The following DNAH7 variants were observed in gnomAD, a reference collection of about 807,000 sequenced individuals.
DNAH7 encodes dynein axonemal heavy chain 7.
A neutral mutation model predicts 444.6 loss-of-function variants in DNAH7; 397 were observed. The observed-to-expected ratio is 0.89, with a 90% CI of 0.82 to 0.97. DNAH7 has a LOEUF of 0.97. Among genes scored for constraint, DNAH7 ranks in the 50% least tolerant of loss-of-function variants. DNAH7 has a pLI of 0.00. For synonymous variants in DNAH7, 1,636 were observed against 1,624.4 expected (o/e 1.01, Z -0.17); for missense variants, 4,902 against 4,800.8 (o/e 1.02, Z -0.62).
chr2:195,999,385 G>T, intron 12 of DNAH7: 1 of 608,538 alleles, frequency 1.6e-6, no homozygotes, highest in South Asian at 2.0e-5. Flanking sequence ...ATGGTCCTTG[G>T]TCTGCAAGGG....
rs533505891 is a variant in DNAH7 at position 195,825,622 on chromosome 2, A to G, written c.9101-1177T>C. ...GAATATTTTCCTCTGATAGCATTCT[A>G]GAACAGGAATCCCTGGATCAAAGAT... On this transcript the variant is annotated intron_variant, in intron 48 of 64. Coordinates refer to ENST00000312428, the MANE Select transcript of DNAH7 (RefSeq NM_018897.3). Among the ~76,000 whole-genome samples, 12 of 152,372 alleles carry G rather than the reference A, an allele frequency of 7.9e-5. No individual in the cohort carries two copies. In the East Asian group the frequency reaches 2.1e-3, roughly 27 times the overall value.
rs781729323 is a variant in DNAH7 at position 195,926,503 on chromosome 2, G to A, written c.3535C>T (p.Pro1179Ser). Residue 1179 changes from proline (P) to serine (S), a missense_variant, in exon 22 of 65, where the codon CCT (proline) becomes TCT (serine). By Grantham distance (74) the Pro-to-Ser change is moderately conservative. Transcript: ENST00000312428. ...YERINWVRDW[P>S]GQTVLCVSQI... ...GATACACAGAGAACAGTCTGTCCAG[G>A]CCAATCCCTTACCCAGTTAATTCGT... is the stretch of plus-strand genomic sequence containing the variant. The A allele has an allele frequency of 1.2e-6, 2 of 1,607,066 alleles. No homozygotes were observed. Among genetic ancestry groups the A allele is most frequent in the East Asian group, 2.3e-5 (1 of 44,232 alleles).
chr2:195,878,886 T>C (rs1428754827), intron 36 of DNAH7, among the ~76,000 whole-genome samples: 3 of 152,226 alleles, frequency 2.0e-5, no homozygotes, highest in Non-Finnish European at 2.9e-5. Context: ...TATTTCACTC[T>C]TCCTCATTAA....
chr2:195,976,747 C>CAGAGAGAGAGAGAGAGAGAG (rs60653466), intron 15 of DNAH7, among the ~76,000 whole-genome samples: 3,303 of 90,326 alleles, frequency 0.037, 347 homozygotes, highest in Non-Finnish European at 0.05. Flanking sequence ...GAGAGGCAGA[C>CAGAGAGAGAGAGAGAGAGAG]AGAGAGAGAG....
At chr2:196,059,220 T>C (rs996803273) in intron 1 of DNAH7, among the ~76,000 whole-genome samples, 2 of 152,118 alleles carry the variant, frequency 1.3e-5, no homozygotes, top group South Asian at 2.1e-4. Flanking sequence ...TTCTGGTTTT[T>C]CCCCCCGCAA....
chr2:196,018,258 T>G (rs1695147913), intron 9 of DNAH7, among the ~76,000 whole-genome samples: 1 of 152,142 alleles, frequency 6.6e-6, no homozygotes, highest in African/African-American at 2.4e-5. Flanking sequence ...TTACATTGAT[T>G]GACAAATAGT....
intron 38 of DNAH7, among the ~76,000 whole-genome samples, 200 bp from the exon 39 acceptor site, chr2:195,873,894 T>C (rs1700867972): frequency 6.6e-6 from 1 of 152,224 alleles, no homozygotes; most frequent in African/African-American, 2.4e-5. Context: ...CTAGGTGAAT[T>C]ATCTGAATGA....
intron 61 of DNAH7, among the ~76,000 whole-genome samples, chr2:195,766,479 A>G (rs554283995): frequency 2.8e-4 from 43 of 152,138 alleles, no homozygotes; most frequent in African/African-American, 1.0e-3. Context: ...ATGGAAGCTA[A>G]ATATTAAAAC....
intron 57 of DNAH7, among the ~76,000 whole-genome samples, chr2:195,789,584 G>A (rs1385403582): frequency 6.6e-6 from 1 of 152,066 alleles, no homozygotes; most frequent in Admixed American, 6.5e-5. Flanking sequence ...CCTGGCAAAG[G>A]AGAAAGCAGT....
intron 60 of DNAH7, 71 bp from the exon 61 acceptor site, chr2:195,771,961 T>A: frequency 7.8e-7 from 1 of 1,289,000 alleles, no homozygotes; most frequent in South Asian, 1.2e-5. Flanking sequence ...GGAAAAATCC[T>A]AAGGTAAATC....
At chr2:195,997,142 C>T (rs1693743316) in intron 12 of DNAH7, among the ~76,000 whole-genome samples, 1 of 152,116 alleles carries the variant, frequency 6.6e-6, no homozygotes, top group African/African-American at 2.4e-5. Context: ...TATTAATAGC[C>T]TATCTAATTT....
intron 47 of DNAH7, among the ~76,000 whole-genome samples, chr2:195,839,570 C>T (rs922977691): frequency 1.3e-5 from 2 of 151,546 alleles, no homozygotes; most frequent in East Asian, 1.9e-4. Flanking sequence ...AACAATGCAA[C>T]CAAAGGCTTG....
chr2:196,019,106 T>G (rs1695208403), intron 9 of DNAH7, 64 bp downstream of exon 9: 1 of 1,340,436 alleles, frequency 7.5e-7, no homozygotes. Flanking sequence ...AAGAAATAAT[T>G]AAGATATAGT....
chr2:195,987,048 C>A lies in DNAH7; in HGVS notation c.1754+18G>T, dbSNP rs1299675763. 1.5e-5 allele frequency: 24 copies of A among 1,557,920 alleles called. No individual in the cohort carries two copies. Among genetic ancestry groups the A allele is most frequent in the South Asian group, 2.5e-5 (2 of 80,450 alleles). ...CATCCCCTCCCAAAAAATAAAAAAACCAGTATCACATAAATACCTTGTATT... is the reference window on the plus strand; with the variant it reads ...CATCCCCTCCCAAAAAATAAAAAAAACAGTATCACATAAATACCTTGTATT... On this transcript the variant is annotated intron_variant, in intron 14 of 64. Transcript: ENST00000312428.
chr2:196,045,380 CA>C (rs1697055802), intron 5 of DNAH7, among the ~76,000 whole-genome samples: 1 of 150,782 alleles, frequency 6.6e-6, no homozygotes, highest in Non-Finnish European at 1.5e-5. Flanking sequence ...CAGAGAGAGA[CA>C]AAGAAAGAAA....
intron 38 of DNAH7, 45 bp downstream of exon 38, chr2:195,875,630 A>G: frequency 1.3e-6 from 2 of 1,515,938 alleles, no homozygotes; most frequent in African/African-American, 2.8e-5. Context: ...AGCTATTGCT[A>G]GGGAGATTTT....
At chr2:196,063,843 A>G (rs566056282) in intron 1 of DNAH7, 2 of 152,182 alleles carry the variant, frequency 1.3e-5, no homozygotes, top group Non-Finnish European at 2.9e-5. Context: ...AACTTTTCAT[A>G]TTATTATCTT....
chr2:196,058,770 C>T (rs1223655047), intron 1 of DNAH7, among the ~76,000 whole-genome samples: 1 of 152,128 alleles, frequency 6.6e-6, no homozygotes, highest in East Asian at 1.9e-4. Flanking sequence ...TGAAAATATT[C>T]TACAGATGGA....
At chr2:195,793,212 C>T (rs1309765190) in intron 57 of DNAH7, among the ~76,000 whole-genome samples, 1 of 152,214 alleles carries the variant, frequency 6.6e-6, no homozygotes, top group Non-Finnish European at 1.5e-5. Flanking sequence ...ACTGGGATTA[C>T]AGGTGTAAGC....
Sources: allele counts gnomAD v4.1 joint callset (sites outside exome capture counted in the v4.1 genomes callset), GRCh38; gene constraint gnomAD v4.1.1; transcripts MANE v1.5; gene names NCBI Gene and HGNC (gene_info 2026-07-23, HGNC 2026-07-21).